Variants in MSMO1 observed in about 807,000 individuals in gnomAD.
MSMO1 encodes the protein C-4 methylsterol oxidase.
A neutral mutation model predicts 30.4 loss-of-function variants in MSMO1; 18 were observed. The observed-to-expected ratio is 0.59, with a 90% CI of 0.41 to 0.88. MSMO1 has a LOEUF of 0.88. MSMO1 is among the 40% of genes least tolerant of loss of function. The pLI, the probability that MSMO1 is intolerant of heterozygous loss-of-function variation, is 0.00. For missense variants in MSMO1, 284 were observed against 340.5 expected (o/e 0.83, Z 1.31); for synonymous variants, 84 against 107.9 (o/e 0.78, Z 1.37).
At chr4:165,339,061 A>G (rs1747641699) in intron 4 of MSMO1, among the ~76,000 whole-genome samples, 1 of 148,718 alleles carries the variant, frequency 6.7e-6, no homozygotes, top group Non-Finnish European at 1.5e-5. Context: ...TCACATTGCT[A>G]ACTCCCACAA....
In MSMO1 at chr4:165,337,973, G is replaced by T. The variant is rs527905288; in HGVS notation, c.404+36G>T. On this transcript the variant is annotated intron_variant, in intron 3 of 5. Coordinates refer to ENST00000261507, the MANE Select transcript of MSMO1 (RefSeq NM_006745.5). ...AAAAATTTGGCTTTTACACCCAATTGTGGCTTATTCAGTTAAGTTATACTT... is the reference window on the plus strand; with the variant it reads ...AAAAATTTGGCTTTTACACCCAATTTTGGCTTATTCAGTTAAGTTATACTT... 1.2e-5 allele frequency: 19 copies of T among 1,594,034 alleles called. No individual in the cohort carries two copies. In the South Asian group the frequency reaches 2.1e-4, roughly 18 times the overall value.
At chr4:165,339,961 A>G (rs80082528) in intron 4 of MSMO1, among the ~76,000 whole-genome samples, 1 of 152,166 alleles carries the variant, frequency 6.6e-6, no homozygotes, top group Non-Finnish European at 1.5e-5. Flanking sequence ...CAGTCTCGAG[A>G]ATCCTTCTTC....
intron 4 of MSMO1, 57 bp from the exon 5 acceptor site, chr4:165,340,164 T>G: frequency 6.6e-7 from 1 of 1,518,226 alleles, no homozygotes; most frequent in Admixed American, 1.7e-5. Context: ...AGTTGACACA[T>G]AAAATTGACC....
At chr4:165,331,476 C>T (rs1747388103) in intron 1 of MSMO1, among the ~76,000 whole-genome samples, 1 of 151,230 alleles carries the variant, frequency 6.6e-6, no homozygotes, top group Non-Finnish European at 1.5e-5. Context: ...AATGAATGAG[C>T]AAAGAAATTT....
At chr4:165,331,390 T>C (rs956314425) in intron 1 of MSMO1, among the ~76,000 whole-genome samples, 1 of 151,446 alleles carries the variant, frequency 6.6e-6, no homozygotes, top group Non-Finnish European at 1.5e-5. Flanking sequence ...GGATGAAAGA[T>C]GGGAAAGGAT....
intron 5 of MSMO1, 127 bp downstream of exon 5, chr4:165,340,502 A>G (rs1747687718): frequency 2.5e-6 from 2 of 810,992 alleles, no homozygotes; most frequent in Non-Finnish European, 3.9e-6. Context: ...TATTAAGAAA[A>G]CATAACTGTT....
At chr4:165,336,235 TAAA>T (rs3043074) in intron 2 of MSMO1, among the ~76,000 whole-genome samples, 1 of 146,808 alleles carries the variant, frequency 6.8e-6, no homozygotes, top group South Asian at 2.1e-4. Context: ...TCTATTTCTT[TAAA>T]AAAAAAAAAA....
intron 3 of MSMO1, 70 bp downstream of exon 3, chr4:165,338,007 C>A: frequency 7.0e-7 from 1 of 1,422,058 alleles, no homozygotes; most frequent in Non-Finnish European, 9.9e-7. Flanking sequence ...TTAATGTTTA[C>A]CCGTTTTCTT....
At position 165,333,563 on chromosome 4, in the gene MSMO1, T is replaced by C. The variant is rs1426739075; in HGVS notation, c.193T>C (p.Phe65Leu). ...LIVHEALYFL[F>L]CLPGFLFQFI... The stretch of plus-strand genomic sequence containing the variant: ...AGTTCATGAAGCCCTTTATTTCTTA[T>C]TCTGTTTACCTGGATTTTTATTTCA... The change falls in exon 2 of 6, where the codon TTC (phenylalanine) becomes CTC (leucine). Residue 65 changes from phenylalanine to leucine, a missense_variant. By Grantham distance (22) the Phe-to-Leu change is conservative. Coordinates refer to ENST00000261507, the MANE Select transcript of MSMO1 (RefSeq NM_006745.5). 6.2e-7 allele frequency: 1 copy of C among 1,609,334 alleles called. No individual in the cohort carries two copies. The highest frequency in any genetic ancestry group is 1.1e-5 in the South Asian group (1 of 89,842).
At chr4:165,333,271 C>T (rs567413436) in intron 1 of MSMO1, 69 bp from the exon 2 acceptor site, 5 of 1,275,620 alleles carry the variant, frequency 3.9e-6, no homozygotes, top group South Asian at 2.8e-5. Flanking sequence ...TCAGAGGATG[C>T]ATTTTTTAAC....
intron 2 of MSMO1, 32 bp downstream of exon 2, chr4:165,333,657 T>C (rs186471799): frequency 1.5e-5 from 23 of 1,532,820 alleles, no homozygotes; most frequent in East Asian, 2.3e-5. Context: ...TAGAATATTA[T>C]CATTAATGTT....
At chr4:165,336,983 A>T (rs1386847115) in intron 2 of MSMO1, among the ~76,000 whole-genome samples, 1 of 152,154 alleles carries the variant, frequency 6.6e-6, no homozygotes, top group African/African-American at 2.4e-5. Flanking sequence ...CGTACTTTGG[A>T]TATCGTGGTT....
rs72701629 is a variant in MSMO1 at position 165,341,589 on chromosome 4, C to A, written c.687-162C>A. Among the ~76,000 whole-genome samples the A allele has an allele frequency of 0.062, 9,453 of 151,854 alleles. 341 individuals carry two copies. Among genetic ancestry groups the A allele is most frequent in the African/African-American group, 0.077 (3,179 of 41,372 alleles). On this transcript the variant is annotated intron_variant, in intron 5 of 5. Coordinates refer to ENST00000261507, the MANE Select transcript of MSMO1 (RefSeq NM_006745.5). Reference sequence around the variant, plus strand: ...CTTAGAGTGGTTTCTAGAATATACACCATTTTCTGTGTTTGCTGTTTGTGA... The same window carrying A: ...CTTAGAGTGGTTTCTAGAATATACAACATTTTCTGTGTTTGCTGTTTGTGA...
chr4:165,329,624 G>GTTT (rs1200715204), intron 1 of MSMO1, among the ~76,000 whole-genome samples: 7 of 86,120 alleles, frequency 8.1e-5, no homozygotes, highest in African/African-American at 3.5e-4. Flanking sequence ...GATCCATAGC[G>GTTT]ATTTTTTTTT....
intron 1 of MSMO1, among the ~76,000 whole-genome samples, chr4:165,329,624 G>GTTTTT (rs1200715204): frequency 5.8e-5 from 5 of 86,130 alleles, no homozygotes; most frequent in Non-Finnish European, 7.3e-5. Context: ...GATCCATAGC[G>GTTTTT]ATTTTTTTTT....
chr4:165,337,637 G>A, intron 2 of MSMO1, 152 bp from the exon 3 acceptor site: 2 of 735,288 alleles, frequency 2.7e-6, no homozygotes, highest in Non-Finnish European at 4.4e-6. Context: ...TAGTTGTCAA[G>A]AATTTAGAAG....
At position 165,340,152 on chromosome 4, in the gene MSMO1, C is replaced by T. The variant is rs2126628046; in HGVS notation, c.532-69C>T. 2.9e-6 allele frequency: 4 copies of T among 1,401,298 alleles called. No homozygotes were observed. In the East Asian group the frequency reaches 9.2e-5, roughly 32 times the overall value. 86.8% of individuals were successfully genotyped at this position (1,401,298 alleles called of 1,614,324 possible). On this transcript the variant is annotated intron_variant, in intron 4 of 5. Transcript: ENST00000261507. ...AAACAGTTGGATATCATAGCCTAGC[C>T]AAGTTGACACATAAAATTGACCATC...
Position 165,337,860 on chromosome 4 carries a change from G to A in MSMO1, c.327G>A (p.Gln109=). The A allele has an allele frequency of 3.7e-6, 6 of 1,612,972 alleles. No homozygotes were observed. Among genetic ancestry groups the A allele is most frequent in the Non-Finnish European group, 4.2e-6 (5 of 1,179,150 alleles). ...TTCTCTTTAATCACTTCTGTATCCA[G>A]CTGCCTTTGATTTGTGGAACCTATT... ...KVLLFNHFCI[Q]LPLICGTYYF... is the part of the protein sequence containing the mutation. Residue 109 remains glutamine, a synonymous_variant, in exon 3 of 6, where the codon CAG becomes CAA. Coordinates refer to ENST00000261507, the MANE Select transcript of MSMO1 (RefSeq NM_006745.5).
chr4:165,332,697 G>A (rs1021227544), intron 1 of MSMO1, among the ~76,000 whole-genome samples: 1 of 152,180 alleles, frequency 6.6e-6, no homozygotes, highest in Non-Finnish European at 1.5e-5. Flanking sequence ...GTTTTAGGGT[G>A]CATTTCCTCA....
Sources: allele counts gnomAD v4.1 joint callset (sites outside exome capture counted in the v4.1 genomes callset), GRCh38; gene constraint gnomAD v4.1.1; transcripts MANE v1.5; gene names NCBI Gene and HGNC (gene_info 2026-07-23, HGNC 2026-07-21).